Variants in SLC16A7 observed in about 807,000 individuals in gnomAD.
The protein encoded by SLC16A7 is monocarboxylate transporter 2.
In SLC16A7, 33 loss-of-function variants were observed where a neutral mutation model predicts 34.9. The ratio of observed to expected loss-of-function variants is 0.94; its 90% CI spans 0.72 to 1.26. The LOEUF is 1.26. Among genes scored for constraint, SLC16A7 ranks in the 50% most tolerant of loss-of-function variants. The pLI is 0.00. For synonymous variants in SLC16A7, 201 were observed against 206.6 expected (o/e 0.97, Z 0.23); for missense variants, 573 against 578.1 (o/e 0.99, Z 0.09).
At chr12:59,706,353 A>G (rs1873566937) in intron 3 of SLC16A7, among the ~76,000 whole-genome samples, 1 of 133,532 alleles carries the variant, frequency 7.5e-6, no homozygotes, top group African/African-American at 3.0e-5. Context: ...TTGATCCTGA[A>G]ATAATTCCCT....
intron 3 of SLC16A7, among the ~76,000 whole-genome samples, chr12:59,714,419 A>G (rs963954190): frequency 1.1e-4 from 16 of 152,154 alleles, no homozygotes; most frequent in African/African-American, 3.6e-4. Flanking sequence ...TGGAGGCAGG[A>G]AGTTCAAAAT....
intron 3 of SLC16A7, among the ~76,000 whole-genome samples, chr12:59,712,163 T>C (rs1874294547): frequency 6.6e-6 from 1 of 152,218 alleles, no homozygotes; most frequent in African/African-American, 2.4e-5. Context: ...GAAATTGTAG[T>C]TTTTGATTCA....
At chr12:59,761,508 C>T (rs183947429) in intron 3 of SLC16A7, among the ~76,000 whole-genome samples, 13 of 152,144 alleles carry the variant, frequency 8.5e-5, no homozygotes, top group Admixed American at 7.2e-4. Context: ...CTTTTATTAC[C>T]ATTGCCTTGT....
rs375964387 is a variant in SLC16A7, at chr12:59,615,730, T to TG, written c.-130+19495dup. Among the ~76,000 whole-genome samples, 156 of 152,372 alleles carry TG rather than the reference T, an allele frequency of 1.0e-3. 1 individual carries two copies. The highest frequency in any genetic ancestry group is 3.7e-3 in the African/African-American group (152 of 41,598). ...TTGCCTCAGAAATCTGTTATTGGCC[T>TG]GTTGCTGAAATAGTGTCCTAAACAG... On this transcript the variant is annotated intron_variant, in intron 1 of 5. Transcript: ENST00000547379.
chr12:59,603,623 A>C (rs190286306), intron 1 of SLC16A7, among the ~76,000 whole-genome samples: 261 of 152,274 alleles, frequency 1.7e-3, no homozygotes, highest in African/African-American at 6.0e-3. Flanking sequence ...ATAATGTCTT[A>C]TTTGACATTG....
At chr12:59,717,881 T>A (rs975346579) in intron 3 of SLC16A7, among the ~76,000 whole-genome samples, 2 of 152,232 alleles carry the variant, frequency 1.3e-5, no homozygotes, top group African/African-American at 4.8e-5. Flanking sequence ...TATATTTAGA[T>A]TTTTTTTCTA....
At chr12:59,751,893 C>G (rs999323670) in intron 3 of SLC16A7, among the ~76,000 whole-genome samples, 1 of 152,138 alleles carries the variant, frequency 6.6e-6, no homozygotes, top group African/African-American at 2.4e-5. Context: ...CGGCCGGGTA[C>G]TCCTCTTAGA....
At chr12:59,694,886 A>C (rs891229679) in intron 2 of SLC16A7, among the ~76,000 whole-genome samples, 2 of 152,008 alleles carry the variant, frequency 1.3e-5, no homozygotes, top group Non-Finnish European at 2.9e-5. Context: ...TAATATAGAT[A>C]TAACTGTCAA....
chr12:59,680,360 T>C (rs1206908061), intron 2 of SLC16A7, among the ~76,000 whole-genome samples: 1 of 152,200 alleles, frequency 6.6e-6, no homozygotes, highest in Non-Finnish European at 1.5e-5. Flanking sequence ...AAAAATAACC[T>C]TGGAATTTAT....
chr12:59,765,084 G>C (rs911299137), intron 3 of SLC16A7, among the ~76,000 whole-genome samples: 9 of 152,216 alleles, frequency 5.9e-5, no homozygotes, highest in Non-Finnish European at 1.2e-4. Context: ...GATGGCCAGT[G>C]ATGAAGAGCA....
intron 1 of SLC16A7, among the ~76,000 whole-genome samples, chr12:59,624,776 A>G (rs966474989): frequency 2.8e-5 from 4 of 145,132 alleles, no homozygotes; most frequent in Middle Eastern, 3.2e-3. Context: ...GTGTGTGTCT[A>G]TCTATATGTG....
At chr12:59,678,185 T>C (rs1870461404) in intron 2 of SLC16A7, among the ~76,000 whole-genome samples, 1 of 152,198 alleles carries the variant, frequency 6.6e-6, no homozygotes, top group Admixed American at 6.5e-5. Context: ...TCTGCCTCTC[T>C]CTTCTCTCCT....
chr12:59,749,491 CA>C (rs969086735), intron 3 of SLC16A7, among the ~76,000 whole-genome samples: 3 of 152,130 alleles, frequency 2.0e-5, no homozygotes, highest in Admixed American at 2.0e-4. Flanking sequence ...TGCCCCCATA[CA>C]CAAAATATCT....
chr12:59,598,103 T>C (rs1878509473), intron 1 of SLC16A7, among the ~76,000 whole-genome samples: 1 of 152,196 alleles, frequency 6.6e-6, no homozygotes. Context: ...GGATCTGAAA[T>C]AAAAGGCATC....
rs1878387053 is a variant in SLC16A7 at position 59,596,254 on chromosome 12, G to GGGAGGGGAGAGGAGGAGGA, written c.-130+24_-130+42dup. On this transcript the variant is annotated intron_variant, in intron 1 of 5. Coordinates refer to ENST00000547379, the MANE Select transcript of SLC16A7 (RefSeq NM_001270623.2). The surrounding 1 kb of genome is among the most constrained non-coding windows in gnomAD (Gnocchi z 5.0). ...CAGATAAAGTAAGTACAGCTGGGGA[G>GGGAGGGGAGAGGAGGAGGA]GGAGGGGAGAGGAGGAGGAGGAGGA... The GGGAGGGGAGAGGAGGAGGA allele has an allele frequency of 6.5e-6, 1 of 153,142 alleles. No individual in the cohort carries two copies. The highest frequency in any genetic ancestry group is 2.4e-5 in the African/African-American group (1 of 41,474). The allele number at this position is 153,142 out of a possible 1,614,324, so 9.5% of individuals were successfully genotyped here. A position where few individuals can be genotyped will look rare whatever the true frequency, so the allele number is the denominator to read the frequency against.
In SLC16A7 at chr12:59,756,742, C is replaced by A. The variant is rs1163638270; in HGVS notation, c.218-14477C>A. Among the ~76,000 whole-genome samples the A allele has an allele frequency of 9.7e-5, 13 of 134,470 alleles. 1 individual carries two copies. The highest frequency in any genetic ancestry group is 3.7e-4 in the Admixed American group (5 of 13,484). The allele number at this position is 134,470 out of a possible 152,430, so 88.2% of individuals were successfully genotyped here. Reference sequence around the variant, plus strand: ...AACTAGAAATACCATTTGACCCAGCCATCCCATTACTGGGTATATACCCAA... The same window carrying A: ...AACTAGAAATACCATTTGACCCAGCAATCCCATTACTGGGTATATACCCAA... On this transcript the variant is annotated intron_variant, in intron 3 of 5. Coordinates refer to ENST00000547379, the MANE Select transcript of SLC16A7 (RefSeq NM_001270623.2).
chr12:59,680,373 G>T (rs1870649051), intron 2 of SLC16A7, among the ~76,000 whole-genome samples: 1 of 152,086 alleles, frequency 6.6e-6, no homozygotes, highest in African/African-American at 2.4e-5. Context: ...GAATTTATAG[G>T]AATTATGTCT....
intron 3 of SLC16A7, chr12:59,761,203 G>A (rs1379724661): frequency 4.9e-6 from 6 of 1,229,428 alleles, no homozygotes; most frequent in Non-Finnish European, 5.3e-6. Context: ...TCATGCCTAG[G>A]TACATGAAAC....
chr12:59,710,829 T>C (rs1874142125), intron 3 of SLC16A7, among the ~76,000 whole-genome samples: 1 of 152,140 alleles, frequency 6.6e-6, no homozygotes. Context: ...TAAAGAGAAA[T>C]GTTCATGTAT....
Sources: allele counts gnomAD v4.1 joint callset (sites outside exome capture counted in the v4.1 genomes callset), GRCh38; gene constraint gnomAD v4.1.1; non-coding constraint Gnocchi (gnomAD v3.1); transcripts MANE v1.5; gene names NCBI Gene and HGNC (gene_info 2026-07-23, HGNC 2026-07-21).